The following ANKFN1 variants were observed in gnomAD, a reference collection of about 807,000 sequenced individuals.
ANKFN1 encodes ankyrin repeat and fibronectin type III domain containing 1, also known as ankyrin repeat and fibronectin type-III domain-containing protein 1.
Under a neutral mutation model 108.7 loss-of-function variants are expected in ANKFN1, and 74 were observed. The ratio of observed to expected loss-of-function variants is 0.68; its 90% confidence interval spans 0.56 to 0.83. ANKFN1 has a LOEUF of 0.83. Ranked by LOEUF, ANKFN1 falls within the 40% of genes least tolerant of loss-of-function variation. The pLI is 0.00. For missense variants in ANKFN1, 1,505 were observed against 1,382.3 expected, an observed-to-expected ratio of 1.09 and a Z score of -1.41; for synonymous variants, 547 against 516.2, an observed-to-expected ratio of 1.06 and a Z score of -0.81.
At chr17:56,353,609 G>T (rs2046302860) in intron 5 of ANKFN1, among the ~76,000 whole-genome samples, 2 of 152,120 alleles carry the variant, frequency 1.3e-5, no homozygotes, top group Non-Finnish European at 2.9e-5. Context: ...CTACAGCCCA[G>T]CCAGGCTATC....
intron 20 of ANKFN1, among the ~76,000 whole-genome samples, chr17:56,499,875 G>A (rs577640991): frequency 5.3e-5 from 8 of 152,146 alleles, no homozygotes; most frequent in Non-Finnish European, 1.2e-4. Context: ...GTCAATTAAA[G>A]TAATGGCGAT....
chr17:56,385,823 AGATGCTGGAGAG>A lies in ANKFN1; in HGVS notation c.910+11114_910+11125del, dbSNP rs1234287974. Reference sequence around the variant, plus strand: ...AATCATTAAAAAGTCAGGAAACAACAGATGCTGGAGAGGATGTGGAGAAACAGGAACACTTTT... The same window carrying A: ...AATCATTAAAAAGTCAGGAAACAACAGATGTGGAGAAACAGGAACACTTTT... On this transcript the variant is annotated intron_variant, in intron 8 of 20. Transcript: ENST00000682825. Among the ~76,000 whole-genome samples the A allele has an allele frequency of 2.6e-5, 4 of 152,210 alleles. No homozygotes were observed. The South Asian group carries it at 6.2e-4, about 24-fold the overall frequency.
At chr17:56,485,444 C>G (rs1279151068) in intron 18 of ANKFN1, among the ~76,000 whole-genome samples, 1 of 152,092 alleles carries the variant, frequency 6.6e-6, no homozygotes, top group African/African-American at 2.4e-5. Context: ...ATCAGCATAT[C>G]TGGAGCATAG....
intron 8 of ANKFN1, among the ~76,000 whole-genome samples, chr17:56,392,129 A>G (rs2047458397): frequency 6.6e-6 from 1 of 152,162 alleles, no homozygotes; most frequent in Admixed American, 6.5e-5. Context: ...CTCACAGCGT[A>G]TCTTTAGGAG....
rs182464340 is a variant in ANKFN1 at position 56,080,201 on chromosome 17, A to G, written c.288+33876A>G. On this transcript the variant is annotated intron_variant, in intron 4 of 12. Transcript: ENST00000635860. ...ATGCTGAAGTCCAAATTAGGACCAT[A>G]CAGTCTTTTCAGAGAGCAATTAACA... Among the ~76,000 whole-genome samples, 6 of 152,354 alleles carry G rather than the reference A, an allele frequency of 3.9e-5. No homozygotes were observed. The East Asian group carries it at 1.2e-3, about 29-fold the overall frequency.
At chr17:56,283,129 T>C (rs1228674229) in intron 3 of ANKFN1, among the ~76,000 whole-genome samples, 1 of 152,132 alleles carries the variant, frequency 6.6e-6, no homozygotes, top group African/African-American at 2.4e-5. Flanking sequence ...CCTCCCACTC[T>C]CCATCCTTAA....
chr17:56,462,587 T>C (rs1249988912), intron 14 of ANKFN1, among the ~76,000 whole-genome samples: 1 of 152,130 alleles, frequency 6.6e-6, no homozygotes, highest in Non-Finnish European at 1.5e-5. Context: ...AGGGTGAAAC[T>C]CTGTCTCACA....
chr17:56,477,343 A>G, intron 15 of ANKFN1, 145 bp from the exon 16 acceptor site: 1 of 694,490 alleles, frequency 1.4e-6, no homozygotes, highest in South Asian at 3.0e-5. Flanking sequence ...CCCAGCATTC[A>G]TGGTATACCT....
At chr17:56,058,567 C>A (rs1904920215) in intron 4 of ANKFN1, among the ~76,000 whole-genome samples, 1 of 152,112 alleles carries the variant, frequency 6.6e-6, no homozygotes, top group African/African-American at 2.4e-5. Flanking sequence ...ATTGACCCAT[C>A]CTCTAAGTTC....
chr17:56,360,113 A>T (rs1270228776), intron 6 of ANKFN1, among the ~76,000 whole-genome samples: 1 of 152,198 alleles, frequency 6.6e-6, no homozygotes, highest in Non-Finnish European at 1.5e-5. Flanking sequence ...AGCCTTAGAC[A>T]GGTCTCTATA....
chr17:56,363,193 C>T (rs1423728202), intron 6 of ANKFN1, among the ~76,000 whole-genome samples: 3 of 152,038 alleles, frequency 2.0e-5, no homozygotes, highest in Non-Finnish European at 4.4e-5. Flanking sequence ...CACAGCACTC[C>T]AGCCTGGGGA....
At chr17:56,469,846 T>C (rs1197149536) in intron 15 of ANKFN1, among the ~76,000 whole-genome samples, 1 of 152,056 alleles carries the variant, frequency 6.6e-6, no homozygotes, top group Non-Finnish European at 1.5e-5. Flanking sequence ...GTTTGTTACA[T>C]TGGTGTGCCA....
intron 4 of ANKFN1, among the ~76,000 whole-genome samples, chr17:56,146,591 G>T (rs999153786): frequency 1.3e-5 from 2 of 152,172 alleles, no homozygotes; most frequent in African/African-American, 4.8e-5. Context: ...TGAGACTTAG[G>T]GTTTGCACCC....
rs142302968 is a variant in ANKFN1, at chr17:56,169,422, G to A, written c.-71+15892G>A. 6.5e-3 allele frequency among the ~76,000 whole-genome samples: 986 copies of A among 152,092 alleles called. 5 individuals are homozygous for A. Among genetic ancestry groups the A allele is most frequent in the African/African-American group, 0.022 (924 of 41,476 alleles). ...AAGTAGCTGGAACTACAGGAACACC[G>A]CCACATCCAGCTAATTTTTTAATGT... On this transcript the variant is annotated intron_variant, in intron 1 of 20. Coordinates refer to ENST00000682825, the MANE Select transcript of ANKFN1 (RefSeq NM_001370326.1).
intron 16 of ANKFN1, among the ~76,000 whole-genome samples, chr17:56,479,215 C>T (rs1251098015): frequency 6.6e-6 from 1 of 152,182 alleles, no homozygotes; most frequent in Non-Finnish European, 1.5e-5. Flanking sequence ...ATTCCAGTAG[C>T]CTTTTCTCTG....
At chr17:56,097,838 T>TC (rs1567786262) in intron 4 of ANKFN1, among the ~76,000 whole-genome samples, 1 of 152,172 alleles carries the variant, frequency 6.6e-6, no homozygotes, top group Non-Finnish European at 1.5e-5. Context: ...GAAGTGCTGC[T>TC]CCCCCAGATT....
At chr17:56,189,371 C>T (rs1912644819) in intron 1 of ANKFN1, among the ~76,000 whole-genome samples, 1 of 149,734 alleles carries the variant, frequency 6.7e-6, no homozygotes, top group South Asian at 2.1e-4. Flanking sequence ...GGGGTTTCAC[C>T]GTTTTAGCCA....
At position 56,350,960 on chromosome 17, in the gene ANKFN1, C is replaced by T. The variant is rs760279056; in HGVS notation, c.383C>T (p.Thr128Ile). The T allele has an allele frequency of 6.2e-7, 1 of 1,613,308 alleles. No individual in the cohort carries two copies. The highest frequency in any genetic ancestry group is 8.5e-7 in the Non-Finnish European group (1 of 1,179,696). Residue 128 changes from threonine to isoleucine, a missense_variant, in exon 5 of 21, where the codon ACC (threonine) becomes ATC (isoleucine). Physicochemically the swap from Thr to Ile is moderately conservative, Grantham distance 89 (BLOSUM62 -1). Coordinates refer to ENST00000682825, the MANE Select transcript of ANKFN1 (RefSeq NM_001370326.1). Reference protein sequence around the residue: ...TRTDRLSLRKTSVNFQGNEAM... With the variant: ...TRTDRLSLRKISVNFQGNEAM... ...ACTGATCGGCTGAGTCTCAGGAAGA[C>T]CTCGGTGGTAACAAAACTGTTTTTA...
chr17:56,084,365 G>A (rs560435634), intron 4 of ANKFN1, among the ~76,000 whole-genome samples: 1 of 151,166 alleles, frequency 6.6e-6, no homozygotes, highest in African/African-American at 2.4e-5. Flanking sequence ...TGTAGCTTTG[G>A]CATTTAGATA....
Sources: gnomAD v4.1 joint callset for allele counts (sites outside exome capture counted in the v4.1 genomes callset) on GRCh38, gnomAD v4.1.1 for gene constraint, MANE v1.5 for transcripts, NCBI Gene and HGNC (gene_info 2026-07-23, HGNC 2026-07-21) for gene names.